The following BASP1 variants were observed in gnomAD, a reference collection of about 807,000 sequenced individuals.
BASP1 encodes the protein brain abundant membrane attached signal protein 1, also known as brain acid soluble protein 1.
In BASP1, 1 loss-of-function variant was observed where a neutral mutation model predicts 2.2. The ratio of observed to expected loss-of-function variants is 0.46; its 90% CI spans 0.16 to 2.17. BASP1 has a LOEUF of 2.17. Among genes scored for constraint, BASP1 ranks in the 30% most tolerant of loss-of-function variants. The probability of loss-of-function intolerance (pLI) is 0.27; values close to 1 mark genes in which losing one functional copy is unlikely to be tolerated. For synonymous variants in BASP1, 187 were observed against 154.2 expected (o/e 1.21, Z -1.58); for missense variants, 352 against 327.2 (o/e 1.08, Z -0.58).
chr5:17,275,297 G>A lies in BASP1; in HGVS notation c.81G>A (p.Glu27=). The part of the protein sequence containing the change: ...EKAKEKDKKA[E]GAATEEEGTP... ...CCAAGGAGAAAGACAAGAAGGCCGA[G>A]GGCGCGGCGACGGAAGAGGAGGGGA... The change falls in exon 2 of 2, where the codon GAG becomes GAA. Residue 27 remains glutamate, a synonymous_variant. Coordinates refer to ENST00000322611, the MANE Select transcript of BASP1 (RefSeq NM_006317.5). This position sits in a 1 kb window ranked among gnomAD's most constrained non-coding sequence, Gnocchi z 5.3. 6.2e-7 allele frequency: 1 copy of A among 1,614,048 alleles called. No individual in the cohort carries two copies. The highest frequency in any genetic ancestry group is 8.5e-7 in the Non-Finnish European group (1 of 1,180,004).
At chr5:17,261,554 A>G (rs1489658312) in intron 1 of BASP1, among the ~76,000 whole-genome samples, 1 of 152,184 alleles carries the variant, frequency 6.6e-6, no homozygotes, top group Non-Finnish European at 1.5e-5. Context: ...ATATTCATGT[A>G]AAAGAGAGCA....
At chr5:17,225,623 C>T (rs895731418) in intron 1 of BASP1, among the ~76,000 whole-genome samples, 2 of 152,148 alleles carry the variant, frequency 1.3e-5, no homozygotes, top group African/African-American at 2.4e-5. Flanking sequence ...TTGAAAAGAA[C>T]GCCAGCTGGC....
chr5:17,271,203 A>G (rs540205571), intron 1 of BASP1, among the ~76,000 whole-genome samples: 1 of 151,992 alleles, frequency 6.6e-6, no homozygotes, highest in Non-Finnish European at 1.5e-5. Flanking sequence ...GCAGTGGCTG[A>G]TCTCGGCTCA....
At position 17,275,613 on chromosome 5, in the gene BASP1, G is replaced by T; in HGVS notation, c.397G>T (p.Ala133Ser). ...GGCCGCCGCGGCCCCGGCCGAGAGCGCGGCCCCTGCCGCCGGGGAGGAGCC... is the reference window on the plus strand; with the variant it reads ...GGCCGCCGCGGCCCCGGCCGAGAGCTCGGCCCCTGCCGCCGGGGAGGAGCC... ...AEAAAAPAESAAPAAGEEPSK... is the reference protein window; with the variant it reads ...AEAAAAPAESSAPAAGEEPSK... Residue 133 changes from alanine (A) to serine (S), a missense_variant, in exon 2 of 2, where the codon GCG becomes TCG. Coordinates refer to ENST00000322611, the MANE Select transcript of BASP1 (RefSeq NM_006317.5). This position sits in a 1 kb window ranked among gnomAD's most constrained non-coding sequence, Gnocchi z 5.3. 1 of 1,469,338 alleles carries T rather than the reference G, an allele frequency of 6.8e-7. No individual in the cohort carries two copies. Among genetic ancestry groups the T allele is most frequent in the South Asian group, 1.4e-5 (1 of 72,902 alleles). 91.0% of individuals were successfully genotyped at this position (1,469,338 alleles called of 1,614,324 possible). A position where few individuals can be genotyped will look rare whatever the true frequency, so the allele number is the denominator to read the frequency against.
At chr5:17,263,700 G>C (rs564987660) in intron 1 of BASP1, among the ~76,000 whole-genome samples, 1 of 152,304 alleles carries the variant, frequency 6.6e-6, no homozygotes, top group South Asian at 2.1e-4. Flanking sequence ...GTAGAAATGT[G>C]AGTGTGTGCT....
chr5:17,271,137 TTTTGTTTTGC>T (rs1386979804), intron 1 of BASP1, among the ~76,000 whole-genome samples: 1 of 152,174 alleles, frequency 6.6e-6, no homozygotes, highest in East Asian at 1.9e-4. Context: ...GCTTTTTGTT[TTTTGTTTTGC>T]TTTGTTTTGT....
In BASP1 at chr5:17,276,006, CTA is replaced by C. The variant is rs1740654181; in HGVS notation, c.*108_*109del. ...CTATCTCCTCTCTCTCTCTCCTCTC[CTA>C]TCTCTCCTCTCTCTCTCTCCTATAC... is the stretch of plus-strand genomic sequence containing the variant. On this transcript the variant is annotated 3_prime_UTR_variant, in exon 2 of 2. Transcript: ENST00000322611. The C allele has an allele frequency of 1.0e-6, 1 of 970,606 alleles. No homozygotes were observed. Among genetic ancestry groups the C allele is most frequent in the South Asian group, 2.3e-5 (1 of 44,192 alleles). The allele number at this position is 970,606 out of a possible 1,614,324, so 60.1% of individuals were successfully genotyped here. A position where few individuals can be genotyped will look rare whatever the true frequency, so the allele number is the denominator to read the frequency against.
intron 1 of BASP1, among the ~76,000 whole-genome samples, chr5:17,244,228 A>T (rs1039680530): frequency 2.0e-5 from 3 of 152,224 alleles, no homozygotes; most frequent in African/African-American, 7.2e-5. Flanking sequence ...AAATTAGTCC[A>T]TGCCAGTGTA....
intron 1 of BASP1, among the ~76,000 whole-genome samples, chr5:17,254,862 T>A (rs1740170841): frequency 6.6e-6 from 1 of 152,214 alleles, no homozygotes; most frequent in African/African-American, 2.4e-5. Context: ...TTGGATATCC[T>A]TATTGCAAGA....
At chr5:17,220,148 C>T (rs1467599445) in intron 1 of BASP1, among the ~76,000 whole-genome samples, 1 of 152,094 alleles carries the variant, frequency 6.6e-6, no homozygotes, top group African/African-American at 2.4e-5. Flanking sequence ...TGGAATAACG[C>T]GTGGCAGCAA....
intron 1 of BASP1, among the ~76,000 whole-genome samples, chr5:17,221,715 C>G (rs143093128): frequency 6.6e-6 from 1 of 152,012 alleles, no homozygotes; most frequent in Non-Finnish European, 1.5e-5. Flanking sequence ...ATTAGATAAG[C>G]CAGTGAACAT....
rs1345150684 is a variant in BASP1 at position 17,251,448 on chromosome 5, T to C, written c.-9-23760T>C. Among the ~76,000 whole-genome samples, 3 of 152,208 alleles carry C rather than the reference T, an allele frequency of 2.0e-5. No individual in the cohort carries two copies. Among genetic ancestry groups the C allele is most frequent in the Non-Finnish European group, 4.4e-5 (3 of 68,044 alleles). On this transcript the variant is annotated intron_variant, in intron 1 of 1. Coordinates refer to ENST00000322611, the MANE Select transcript of BASP1 (RefSeq NM_006317.5). The surrounding 1 kb of genome is among the most constrained non-coding windows in gnomAD (Gnocchi z 4.0). ...CATCAATACAAAACCATTAAATATA[T>C]GTTAAAAAGATTTCAGACTCATCTC... is the stretch of plus-strand genomic sequence containing the variant.
At chr5:17,241,312 A>T (rs1398874447) in intron 1 of BASP1, among the ~76,000 whole-genome samples, 1 of 151,936 alleles carries the variant, frequency 6.6e-6, no homozygotes, top group Non-Finnish European at 1.5e-5. Flanking sequence ...GTTGGCCAGG[A>T]TGGTCTTGAA....
chr5:17,256,742 G>A (rs1013688638), intron 1 of BASP1, among the ~76,000 whole-genome samples: 4 of 152,176 alleles, frequency 2.6e-5, no homozygotes, highest in African/African-American at 9.7e-5. Context: ...GCTTTTCTAA[G>A]GAGAGTGATT....
chr5:17,275,339 G>A lies in BASP1; in HGVS notation c.123G>A (p.Glu41=). Residue 41 remains glutamate (E), a synonymous_variant, in exon 2 of 2, where the codon GAG becomes GAA. Coordinates refer to ENST00000322611, the MANE Select transcript of BASP1 (RefSeq NM_006317.5). The surrounding 1 kb of genome is among the most constrained non-coding windows in gnomAD (Gnocchi z 5.3). The part of the protein sequence containing the change: ...TEEEGTPKES[E]PQAAAEPAEA... Reference sequence around the variant, plus strand: ...AGGAGGGGACCCCGAAGGAGAGTGAGCCCCAGGCGGCCGCAGAGCCCGCCG... The same window carrying A: ...AGGAGGGGACCCCGAAGGAGAGTGAACCCCAGGCGGCCGCAGAGCCCGCCG... 6.2e-7 allele frequency: 1 copy of A among 1,607,208 alleles called. No homozygotes were observed. Among genetic ancestry groups the A allele is most frequent in the Non-Finnish European group, 8.5e-7 (1 of 1,177,234 alleles).
intron 1 of BASP1, among the ~76,000 whole-genome samples, chr5:17,230,489 T>C (rs1739609939): frequency 6.6e-6 from 1 of 152,298 alleles, no homozygotes; most frequent in South Asian, 2.1e-4. Flanking sequence ...AGGGATTCTT[T>C]TGAGGGGCAT....
At chr5:17,271,749 CT>C (rs1243315560) in intron 1 of BASP1, among the ~76,000 whole-genome samples, 1 of 152,140 alleles carries the variant, frequency 6.6e-6, no homozygotes, top group African/African-American at 2.4e-5. Flanking sequence ...CAAATGATGT[CT>C]TTCAAAATTA....
At chr5:17,242,283 C>A (rs1561169476) in intron 1 of BASP1, among the ~76,000 whole-genome samples, 1 of 152,068 alleles carries the variant, frequency 6.6e-6, no homozygotes, top group African/African-American at 2.4e-5. Context: ...GTGATGAGTG[C>A]GGGTGAGAAT....
chr5:17,241,297 G>T (rs1339052400), intron 1 of BASP1, among the ~76,000 whole-genome samples: 1 of 151,834 alleles, frequency 6.6e-6, no homozygotes, highest in Non-Finnish European at 1.5e-5. Flanking sequence ...ATGGGGTTTC[G>T]CCATGTTGGC....
Sources: allele counts gnomAD v4.1 joint callset (sites outside exome capture counted in the v4.1 genomes callset), GRCh38; gene constraint gnomAD v4.1.1; non-coding constraint Gnocchi (gnomAD v3.1); transcripts MANE v1.5; gene names NCBI Gene and HGNC (gene_info 2026-07-23, HGNC 2026-07-21).